The following NEGR1 variants were observed in gnomAD, a reference collection of about 807,000 sequenced individuals.
NEGR1 encodes the protein IgLON family member 4.
Under a neutral mutation model 40.9 loss-of-function variants are expected in NEGR1, and 10 were observed. The ratio of observed to expected loss-of-function variants is 0.24; its 90% CI spans 0.15 to 0.42. The LOEUF (loss-of-function observed/expected upper bound fraction) is 0.42, where lower values mean the gene tolerates loss of function less well. Ranked by LOEUF, NEGR1 falls within the 10% of genes least tolerant of loss-of-function variation. The pLI is 1.00. For missense variants in NEGR1, 352 were observed against 438.9 expected, an observed-to-expected ratio of 0.80 and a Z score of 1.77; for synonymous variants, 185 against 166.8, an observed-to-expected ratio of 1.11 and a Z score of -0.84.
At position 71,432,964 on chromosome 1, in the gene NEGR1, C is replaced by T. The variant is rs539503300; in HGVS notation, c.941-25394G>A. Among the ~76,000 whole-genome samples, 6 of 152,244 alleles carry T rather than the reference C, an allele frequency of 3.9e-5. No homozygotes were observed. The South Asian group carries it at 1.2e-3, about 32-fold the overall frequency. On this transcript the variant is annotated intron_variant, in intron 6 of 6. Coordinates refer to ENST00000357731, the MANE Select transcript of NEGR1 (RefSeq NM_173808.3). ...GATTTATCATTGAAACCTTGGGCGG[C>T]CAAGGGCCTTGCCTCCCATAAAACT...
chr1:72,147,879 A>T, intron 1 of NEGR1, among the ~76,000 whole-genome samples: 1 of 152,130 alleles, frequency 6.6e-6, no homozygotes, highest in East Asian at 1.9e-4. Context: ...CAGGTCTCAC[A>T]TCCAGGTCAC....
chr1:71,690,423 T>C (rs545630618), intron 4 of NEGR1, among the ~76,000 whole-genome samples: 1 of 151,904 alleles, frequency 6.6e-6, no homozygotes, highest in East Asian at 1.9e-4. Context: ...TAAAGTAATG[T>C]TTGAAACTTC....
intron 3 of NEGR1, among the ~76,000 whole-genome samples, chr1:71,739,502 A>C (rs932295667): frequency 4.6e-5 from 7 of 151,656 alleles, no homozygotes; most frequent in African/African-American, 1.7e-4. Context: ...ACAAAAAACA[A>C]AACAAAACAA....
intron 1 of NEGR1, among the ~76,000 whole-genome samples, chr1:72,048,610 G>A (rs1439124100): frequency 4.0e-5 from 6 of 151,530 alleles, no homozygotes; most frequent in African/African-American, 1.5e-4. Context: ...ACAGGAACAA[G>A]CCTTACATCT....
chr1:71,805,906 A>G (rs1388564254), intron 2 of NEGR1, among the ~76,000 whole-genome samples: 2 of 152,332 alleles, frequency 1.3e-5, no homozygotes, highest in Middle Eastern at 3.4e-3. Flanking sequence ...CATTATCCAA[A>G]TAAAAATGAT....
intron 1 of NEGR1, among the ~76,000 whole-genome samples, chr1:72,164,695 T>A (rs747538943): frequency 6.6e-6 from 1 of 152,070 alleles, no homozygotes; most frequent in Non-Finnish European, 1.5e-5. Context: ...CATTCACAGC[T>A]CTCTGTTTTT....
chr1:72,240,851 T>C (rs1478015504), intron 1 of NEGR1, among the ~76,000 whole-genome samples: 1 of 151,832 alleles, frequency 6.6e-6, no homozygotes, highest in African/African-American at 2.4e-5. Flanking sequence ...GTGTGAGTTT[T>C]GATGATAAAT....
intron 1 of NEGR1, among the ~76,000 whole-genome samples, chr1:72,068,609 A>C (rs1358994114): frequency 2.0e-5 from 3 of 152,338 alleles, no homozygotes; most frequent in African/African-American, 7.2e-5. Flanking sequence ...CATGAATTTT[A>C]GCATGTGTGC....
rs1217028380 is a variant in NEGR1 at position 72,104,399 on chromosome 1, A to G, written c.177-169088T>C. Among the ~76,000 whole-genome samples, 5 of 152,108 alleles carry G rather than the reference A, an allele frequency of 3.3e-5. No homozygotes were observed. In the East Asian group the frequency reaches 9.7e-4, roughly 29 times the overall value. ...CGGAAGCAGAGGCCCAAATGACGTG[A>G]TTGCTGGATTTTAGGATGGAAGAGA... On this transcript the variant is annotated intron_variant, in intron 1 of 6. Transcript: ENST00000357731.
At chr1:71,966,961 T>A (rs554869113) in intron 1 of NEGR1, among the ~76,000 whole-genome samples, 1 of 152,306 alleles carries the variant, frequency 6.6e-6, no homozygotes, top group African/African-American at 2.4e-5. Context: ...AGGGTGCAAG[T>A]CAATTTTACT....
At chr1:72,018,836 T>C (rs920812691) in intron 1 of NEGR1, among the ~76,000 whole-genome samples, 5 of 152,184 alleles carry the variant, frequency 3.3e-5, no homozygotes, top group Admixed American at 6.5e-5. Context: ...TGTGCTTTCA[T>C]TGCAGTGTGA....
At chr1:71,529,609 T>C (rs536036714) in intron 6 of NEGR1, among the ~76,000 whole-genome samples, 1 of 151,406 alleles carries the variant, frequency 6.6e-6, no homozygotes, top group East Asian at 1.9e-4. Flanking sequence ...AGAATGTGTT[T>C]GTTTTTTTCA....
chr1:71,938,273 G>A (rs1279551111), intron 1 of NEGR1, among the ~76,000 whole-genome samples: 1 of 151,942 alleles, frequency 6.6e-6, no homozygotes, highest in Non-Finnish European at 1.5e-5. Context: ...GCAAGTCTAC[G>A]TAGACTTGGC....
At chr1:71,983,144 C>T (rs937394992) in intron 1 of NEGR1, among the ~76,000 whole-genome samples, 2 of 152,088 alleles carry the variant, frequency 1.3e-5, no homozygotes, top group African/African-American at 4.8e-5. Flanking sequence ...TCATTTAGAG[C>T]ACTTTGCAGT....
At chr1:71,964,470 C>T (rs1481826970) in intron 1 of NEGR1, among the ~76,000 whole-genome samples, 1 of 152,148 alleles carries the variant, frequency 6.6e-6, no homozygotes, top group Non-Finnish European at 1.5e-5. Flanking sequence ...ACAGTCCTAG[C>T]TGAGGCTTTG....
chr1:71,407,323 C>T lies in NEGR1; in HGVS notation c.*123G>A, dbSNP rs749323197. On this transcript the variant is annotated 3_prime_UTR_variant, in exon 7 of 7. Transcript: ENST00000357731. ...ACATAATGAGCAATTCTACAGAAGG[C>T]GATCATCCCCATGTAAGCACTGCTG... 6 of 766,770 alleles carry T rather than the reference C, an allele frequency of 7.8e-6. No individual in the cohort carries two copies. In the South Asian group the frequency reaches 7.9e-5, roughly 10 times the overall value. 47.5% of individuals were successfully genotyped at this position (766,770 alleles called of 1,614,324 possible).
chr1:71,773,854 C>A (rs989610770), intron 3 of NEGR1, among the ~76,000 whole-genome samples: 4 of 152,170 alleles, frequency 2.6e-5, no homozygotes, highest in African/African-American at 4.8e-5. Flanking sequence ...AATAACTTCA[C>A]TAACCAACAT....
chr1:71,555,545 C>G (rs1648227188), intron 6 of NEGR1, among the ~76,000 whole-genome samples: 1 of 151,570 alleles, frequency 6.6e-6, no homozygotes, highest in Non-Finnish European at 1.5e-5. Flanking sequence ...TAACTTACTA[C>G]TCTAAAAAGT....
chr1:71,760,535 G>T (rs1655904935), intron 3 of NEGR1, among the ~76,000 whole-genome samples: 1 of 152,112 alleles, frequency 6.6e-6, no homozygotes, highest in African/African-American at 2.4e-5. Flanking sequence ...TCATTATGTA[G>T]ATTCATTCAT....
Sources: gnomAD v4.1 joint callset for allele counts (sites outside exome capture counted in the v4.1 genomes callset) on GRCh38, gnomAD v4.1.1 for gene constraint, MANE v1.5 for transcripts, NCBI Gene and HGNC (gene_info 2026-07-23, HGNC 2026-07-21) for gene names.